The following LAMB4 variants were observed in gnomAD, a reference collection of about 807,000 sequenced individuals.
LAMB4 encodes the protein laminin subunit beta-4.
Under a neutral mutation model 199.2 loss-of-function variants are expected in LAMB4, and 196 were observed. That is an observed-to-expected ratio of 0.98 (90% CI 0.88 to 1.11). The LOEUF is 1.11. LAMB4 is among the 50% of genes least tolerant of loss of function. The probability of loss-of-function intolerance (pLI) is 0.00; values close to 1 mark genes in which losing one functional copy is unlikely to be tolerated. For missense variants in LAMB4, 2,080 were observed against 2,171.2 expected, an observed-to-expected ratio of 0.96 and a Z score of 0.83; for synonymous variants, 744 against 770.6, an observed-to-expected ratio of 0.97 and a Z score of 0.57.
chr7:108,050,606 T>C (rs540785014), intron 26 of LAMB4, among the ~76,000 whole-genome samples: 1 of 152,180 alleles, frequency 6.6e-6, no homozygotes, highest in Admixed American at 6.5e-5. Context: ...AGGCCCACGG[T>C]CCTGATCTGA....
At chr7:108,127,808 C>T (rs1291183013) in intron 1 of LAMB4, among the ~76,000 whole-genome samples, 2 of 152,216 alleles carry the variant, frequency 1.3e-5, no homozygotes, top group African/African-American at 4.8e-5. Context: ...TAGTAAGACT[C>T]TGCAGGCTGT....
At chr7:108,042,827 AATGG>A (rs1312533250) in intron 29 of LAMB4, among the ~76,000 whole-genome samples, 1 of 152,172 alleles carries the variant, frequency 6.6e-6, no homozygotes, top group Non-Finnish European at 1.5e-5. Context: ...AAGAGATTGT[AATGG>A]ATGCTCCAAT....
chr7:108,078,108 C>T lies in LAMB4; in HGVS notation c.2003+93G>A. On this transcript the variant is annotated intron_variant, in intron 16 of 33. Transcript: ENST00000388781. ...TATGTTATAGTTTTCTTCAGACCTC[C>T]TCTTTCTCCACTTAGTTCCCAGAAA... is the stretch of plus-strand genomic sequence containing the variant. 6.2e-6 allele frequency: 5 copies of T among 802,900 alleles called. No individual in the cohort carries two copies. The South Asian group carries it at 7.6e-5, about 12-fold the overall frequency. The allele number at this position is 802,900 out of a possible 1,614,324, so 49.7% of individuals were successfully genotyped here.
At chr7:108,115,121 T>C (rs2038361909) in intron 3 of LAMB4, among the ~76,000 whole-genome samples, 2 of 152,190 alleles carry the variant, frequency 1.3e-5, no homozygotes, top group Admixed American at 6.5e-5. Context: ...GTTTCCTCTA[T>C]GGGAGTGGCA....
At chr7:108,126,864 G>A (rs75929052) in intron 1 of LAMB4, among the ~76,000 whole-genome samples, 1,668 of 152,180 alleles carry the variant, frequency 0.011, 33 homozygotes, top group African/African-American at 0.038. Flanking sequence ...CACCGCGCCC[G>A]GCCTTCTTTC....
chr7:108,032,286 A>G (rs920233146), intron 31 of LAMB4, among the ~76,000 whole-genome samples: 4 of 152,064 alleles, frequency 2.6e-5, no homozygotes, highest in Non-Finnish European at 5.9e-5. Context: ...GCTACTCGGG[A>G]GGCTGAGGCA....
Position 108,066,450 on chromosome 7 carries a change from T to C in LAMB4, c.2597A>G (p.Asn866Ser), listed in dbSNP as rs2240445. Reference protein sequence around the residue: ...GFPSCHPCPCNRFAELCDPET... With the variant: ...GFPSCHPCPCSRFAELCDPET... ...AGGATCACAAAGTTCAGCAAACCTATTACAAGGGCAAGGGTGGCAGCTGGG... is the reference window on the plus strand; with the variant it reads ...AGGATCACAAAGTTCAGCAAACCTACTACAAGGGCAAGGGTGGCAGCTGGG... Residue 866 changes from asparagine to serine, a missense_variant, in exon 20 of 34, where the codon AAT becomes AGT. Transcript: ENST00000388781. The C allele has an allele frequency of 0.017, 28,094 of 1,614,110 alleles. 924 individuals carry two copies. The highest frequency in any genetic ancestry group is 0.15 in the East Asian group (6,840 of 44,878).
At chr7:108,037,334 C>T in intron 30 of LAMB4, 54 bp downstream of exon 30, 1 of 1,375,728 alleles carries the variant, frequency 7.3e-7, no homozygotes, top group Non-Finnish European at 1.0e-6. Flanking sequence ...TTCCTGATGT[C>T]CTTTCAGCAG....
chr7:108,129,688 C>G (rs1289761820), intron 1 of LAMB4, among the ~76,000 whole-genome samples: 1 of 152,074 alleles, frequency 6.6e-6, no homozygotes, highest in African/African-American at 2.4e-5. Flanking sequence ...CAGGCATGTG[C>G]CACTACGGCT....
rs201353804 is a variant in LAMB4, at chr7:108,032,410, T to C, written c.4819-1431A>G. 3.3e-4 allele frequency among the ~76,000 whole-genome samples: 50 copies of C among 150,336 alleles called. No homozygotes were observed. In the East Asian group the frequency reaches 9.5e-3, roughly 29 times the overall value. ...ATCCCAAAAAAATAAAAAAAAAAAA[T>C]CTTTAAAAAGGCAATTTGTTTCTTT... is the stretch of plus-strand genomic sequence containing the variant. On this transcript the variant is annotated intron_variant, in intron 31 of 33. Transcript: ENST00000388781.
At chr7:108,019,148 A>G (rs543391733), downstream of LAMB4, among the ~76,000 whole-genome samples, 421 of 152,288 alleles carry the variant, frequency 2.8e-3, 2 homozygotes, top group African/African-American at 8.8e-3. Flanking sequence ...CTGTAGGTTA[A>G]AAGTCCAATT....
chr7:108,085,177 G>A (rs112961038), intron 14 of LAMB4, among the ~76,000 whole-genome samples: 7 of 152,332 alleles, frequency 4.6e-5, no homozygotes, highest in African/African-American at 1.4e-4. Context: ...TCAATATGCT[G>A]AAGGTAGAGT....
chr7:108,021,621 A>G (rs2034694943), downstream of LAMB4, among the ~76,000 whole-genome samples: 1 of 152,124 alleles, frequency 6.6e-6, no homozygotes. Flanking sequence ...AGGCAGGAGA[A>G]TCGCATGAAG....
At chr7:108,129,206 C>T (rs1435852328) in intron 1 of LAMB4, among the ~76,000 whole-genome samples, 3 of 152,232 alleles carry the variant, frequency 2.0e-5, no homozygotes, top group East Asian at 3.8e-4. Context: ...ATTTGCCCAG[C>T]TCCTAGAACC....
At chr7:108,125,708 C>T (rs1209628494) in intron 1 of LAMB4, among the ~76,000 whole-genome samples, 1 of 152,218 alleles carries the variant, frequency 6.6e-6, no homozygotes, top group African/African-American at 2.4e-5. Flanking sequence ...AGGCAGACTG[C>T]CGAATTCCCA....
chr7:108,129,675 T>C lies in LAMB4; in HGVS notation c.-34+631A>G, dbSNP rs2038912908. On this transcript the variant is annotated intron_variant, in intron 1 of 33. Transcript: ENST00000388781. The stretch of plus-strand genomic sequence containing the variant: ...ATCTCAACCTCCTGAGTAGCTGGGA[T>C]TACAGGCATGTGCCACTACGGCTGT... 5.9e-5 allele frequency among the ~76,000 whole-genome samples: 9 copies of C among 152,050 alleles called. No homozygotes were observed. In the South Asian group the frequency reaches 1.9e-3, roughly 32 times the overall value.
At chr7:108,048,259 G>C (rs2035708675) in intron 27 of LAMB4, 148 bp from the exon 28 acceptor site, 1 of 630,286 alleles carries the variant, frequency 1.6e-6, no homozygotes, top group East Asian at 2.9e-5. Context: ...TCTCCTCCTG[G>C]GTTCAAGAGA....
At chr7:108,122,996 T>C (rs1424266261) in intron 2 of LAMB4, 135 bp downstream of exon 2, 1 of 680,694 alleles carries the variant, frequency 1.5e-6, no homozygotes, top group Non-Finnish European at 2.3e-6. Context: ...TTGACACAAT[T>C]ACACAACAAC....
In LAMB4 at chr7:108,030,985, G is replaced by A. The variant is rs2035008649; in HGVS notation, c.4819-6C>T. On this transcript the variant is annotated splice_polypyrimidine_tract_variant and splice_region_variant and intron_variant, in intron 31 of 33. Transcript: ENST00000388781. ...TCCCTGGTTTGATTTTCAGCCTGTT[G>A]TTGATTTAAAGACCAAAAAGGGAAA... is the stretch of plus-strand genomic sequence containing the variant. 1.9e-6 allele frequency: 3 copies of A among 1,610,776 alleles called. No homozygotes were observed. Among genetic ancestry groups the A allele is most frequent in the African/African-American group, 1.3e-5 (1 of 74,764 alleles).
Sources: allele counts gnomAD v4.1 joint callset (sites outside exome capture counted in the v4.1 genomes callset), GRCh38; gene constraint gnomAD v4.1.1; transcripts MANE v1.5; gene names NCBI Gene and HGNC (gene_info 2026-07-23, HGNC 2026-07-21).